Variants in SASS6 observed in about 807,000 individuals in gnomAD.
SASS6 encodes the protein SAS-6 centriolar assembly protein.
SASS6 carries 59 observed loss-of-function variants against 94.9 expected under a neutral mutation model. That is an observed-to-expected ratio of 0.62 (90% CI 0.50 to 0.77). The LOEUF (loss-of-function observed/expected upper bound fraction) is 0.77, where lower values mean the gene tolerates loss of function less well. Ranked by LOEUF, SASS6 falls within the 30% of genes least tolerant of loss-of-function variation. SASS6 has a pLI of 0.00. For synonymous variants in SASS6, 264 were observed against 270.0 expected (o/e 0.98, Z 0.22); for missense variants, 698 against 734.1 (o/e 0.95, Z 0.57).
At chr1:100,114,426 G>GT (rs1653633144) in intron 7 of SASS6, among the ~76,000 whole-genome samples, 1 of 151,820 alleles carries the variant, frequency 6.6e-6, no homozygotes, top group African/African-American at 2.4e-5. Flanking sequence ...GTTCATGCCT[G>GT]TAATCCCAGC....
chr1:100,126,776 A>C (rs1298419617), intron 1 of SASS6, among the ~76,000 whole-genome samples: 1 of 125,244 alleles, frequency 8.0e-6, no homozygotes, highest in Admixed American at 7.6e-5. Context: ...TGTCTCAAAA[A>C]ATAAAATAAA....
intron 2 of SASS6, among the ~76,000 whole-genome samples, chr1:100,125,027 G>C (rs1654495408): frequency 6.6e-6 from 1 of 152,118 alleles, no homozygotes; most frequent in Admixed American, 6.5e-5. Context: ...TAAGTGGCCA[G>C]GGGGTTGGGG....
At chr1:100,126,713 C>T (rs1009429505) in intron 1 of SASS6, among the ~76,000 whole-genome samples, 3 of 152,044 alleles carry the variant, frequency 2.0e-5, no homozygotes. Flanking sequence ...TAGGCAGAGG[C>T]TGCAGTGAGC....
At chr1:100,109,993 G>A (rs1653183280) in intron 8 of SASS6, among the ~76,000 whole-genome samples, 1 of 151,812 alleles carries the variant, frequency 6.6e-6, no homozygotes, top group Non-Finnish European at 1.5e-5. Flanking sequence ...TGTCAACACA[G>A]TACCCTATGA....
At chr1:100,093,771 A>G (rs1444774753) in intron 14 of SASS6, among the ~76,000 whole-genome samples, 1 of 152,158 alleles carries the variant, frequency 6.6e-6, no homozygotes, top group Non-Finnish European at 1.5e-5. Flanking sequence ...AAAAACAAGA[A>G]AAGAAAAAGA....
At chr1:100,127,708 T>G (rs1201990328) in intron 1 of SASS6, among the ~76,000 whole-genome samples, 3 of 151,764 alleles carry the variant, frequency 2.0e-5, no homozygotes, top group Non-Finnish European at 4.4e-5. Context: ...TTTCCTGAGC[T>G]GGGCACAGTG....
intron 14 of SASS6, among the ~76,000 whole-genome samples, chr1:100,093,180 T>C (rs941802419): frequency 7.3e-5 from 10 of 137,390 alleles, no homozygotes; most frequent in South Asian, 5.0e-4. Context: ...TTTTCTTTTT[T>C]TTTTTTTTTT....
chr1:100,088,172 G>T lies in SASS6; in HGVS notation c.1739C>A (p.Thr580Asn). The T allele has an allele frequency of 6.2e-7, 1 of 1,603,820 alleles. No individual in the cohort carries two copies. Among genetic ancestry groups the T allele is most frequent in the Non-Finnish European group, 8.5e-7 (1 of 1,170,992 alleles). Reference protein sequence around the residue: ...ASLGDVQSGATISMPCSTDKE... With the variant: ...ASLGDVQSGANISMPCSTDKE... The stretch of plus-strand genomic sequence containing the variant: ...ATCAGTTGAGCAAGGCATACTAATA[G>T]TTGCTCCTGACTGAACATCTCCTAG... The change falls in exon 15 of 17, where the codon ACT becomes AAT. Residue 580 changes from threonine to asparagine, a missense_variant. Transcript: ENST00000287482.
chr1:100,085,941 C>T (rs1335697750), intron 15 of SASS6, among the ~76,000 whole-genome samples: 4 of 152,090 alleles, frequency 2.6e-5, no homozygotes, highest in Admixed American at 2.0e-4. Context: ...CAGAAAAATA[C>T]GTGCCTTGAG....
Position 100,122,549 on chromosome 1 carries a change from C to CT in SASS6, c.207-66dup, listed in dbSNP as rs71075469. On this transcript the variant is annotated intron_variant, in intron 3 of 16. Transcript: ENST00000287482. Reference sequence around the variant, plus strand: ...AATTAACTTTGTTTTGTTTTGGTGCCTTTTTTTTTTTTTTTTTTTTTGAGA... The same window carrying CT: ...AATTAACTTTGTTTTGTTTTGGTGCCTTTTTTTTTTTTTTTTTTTTTTGAGA... The CT allele has an allele frequency of 0.6, 132,903 of 222,904 alleles. 40,590 individuals are homozygous for CT. The highest frequency in any genetic ancestry group is 0.73 in the Admixed American group (8,804 of 11,982). 13.8% of individuals were successfully genotyped at this position (222,904 alleles called of 1,614,324 possible).
chr1:100,095,498 A>T (rs1652045885), intron 14 of SASS6, among the ~76,000 whole-genome samples: 2 of 152,228 alleles, frequency 1.3e-5, no homozygotes, highest in Non-Finnish European at 2.9e-5. Flanking sequence ...GTGCCACTGC[A>T]CTCCAGGCTA....
intron 15 of SASS6, among the ~76,000 whole-genome samples, chr1:100,086,805 C>A (rs1380091213): frequency 6.6e-6 from 1 of 151,982 alleles, no homozygotes; most frequent in Non-Finnish European, 1.5e-5. Flanking sequence ...CTCAGCCTCC[C>A]ATGTAGCTGG....
At chr1:100,114,145 T>C in intron 7 of SASS6, among the ~76,000 whole-genome samples, 1 of 151,992 alleles carries the variant, frequency 6.6e-6, no homozygotes, top group East Asian at 1.9e-4. Context: ...AAAAGATAAA[T>C]GCTTCAACTA....
In SASS6 at chr1:100,110,374, G is replaced by A. The variant is rs75864953; in HGVS notation, c.779C>T (p.Ala260Val). ...TTTTCTTTCGGTTAAGTCTTTATTA[G>A]CCGCTTCTAACTCAGACAGTCTGTT... ...LQNRLSELEA[A>V]NKDLTERKYK... Residue 260 changes from alanine to valine, a missense_variant, in exon 8 of 17, where the codon GCT becomes GTT. Ala to Val is a moderately conservative substitution (Grantham distance 64, BLOSUM62 0). Transcript: ENST00000287482. 1.5e-4 allele frequency: 244 copies of A among 1,606,864 alleles called. No homozygotes were observed. In the African/African-American group the frequency reaches 3.0e-3, roughly 20 times the overall value.
chr1:100,088,098 C>G, intron 15 of SASS6, 41 bp downstream of exon 15: 1 of 1,121,294 alleles, frequency 8.9e-7, no homozygotes, highest in Non-Finnish European at 1.4e-6. Context: ...AGATGGCCTT[C>G]AAAATTGCAA....
intron 15 of SASS6, among the ~76,000 whole-genome samples, chr1:100,087,019 T>C (rs1028488973): frequency 3.3e-5 from 5 of 152,216 alleles, no homozygotes; most frequent in African/African-American, 1.2e-4. Flanking sequence ...GTCTTGCTCT[T>C]ATCGCCCAGG....
chr1:100,129,665 G>GC (rs1654860733), intron 1 of SASS6, among the ~76,000 whole-genome samples: 5 of 152,060 alleles, frequency 3.3e-5, no homozygotes, highest in Admixed American at 2.0e-4. Context: ...TGAAAGTTAT[G>GC]AAAGAAAAAA....
At chr1:100,090,356 C>T (rs767076974) in intron 14 of SASS6, among the ~76,000 whole-genome samples, 27 of 152,080 alleles carry the variant, frequency 1.8e-4, no homozygotes, top group Non-Finnish European at 3.8e-4. Context: ...AATGATACTT[C>T]ATGTAAATAC....
chr1:100,105,432 C>G (rs935691026), intron 13 of SASS6, among the ~76,000 whole-genome samples: 53 of 151,800 alleles, frequency 3.5e-4, no homozygotes, highest in African/African-American at 1.3e-3. Context: ...GAAGCTGAGG[C>G]AGGAGAATGG....
Sources: allele counts gnomAD v4.1 joint callset (sites outside exome capture counted in the v4.1 genomes callset), GRCh38; gene constraint gnomAD v4.1.1; transcripts MANE v1.5; gene names NCBI Gene and HGNC (gene_info 2026-07-23, HGNC 2026-07-21).